Variants in ARHGAP10 observed in about 807,000 individuals in gnomAD.
The protein encoded by ARHGAP10 is Rho GTPase activating protein 10, also known as rho GTPase-activating protein 10.
A neutral mutation model predicts 108.6 loss-of-function variants in ARHGAP10; 87 were observed. That is an observed-to-expected ratio of 0.80 (90% CI 0.67 to 0.96). The LOEUF is 0.96. Among genes scored for constraint, ARHGAP10 ranks in the 40% least tolerant of loss-of-function variants. The pLI is 0.00. For missense variants in ARHGAP10, 939 were observed against 954.5 expected (o/e 0.98, Z 0.21); for synonymous variants, 347 against 341.1 (o/e 1.02, Z -0.19).
At chr4:147,937,091 A>C (rs1737982517) in intron 13 of ARHGAP10, among the ~76,000 whole-genome samples, 1 of 152,172 alleles carries the variant, frequency 6.6e-6, no homozygotes, top group South Asian at 2.1e-4. Flanking sequence ...ATCGGTGGAA[A>C]AATTGTCTTC....
At chr4:147,909,448 A>C (rs935744608) in intron 11 of ARHGAP10, among the ~76,000 whole-genome samples, 3 of 152,200 alleles carry the variant, frequency 2.0e-5, no homozygotes, top group African/African-American at 7.2e-5. Context: ...GAGATGGCCT[A>C]TCCAGGGGCT....
intron 14 of ARHGAP10, among the ~76,000 whole-genome samples, chr4:147,944,816 T>C (rs1738308814): frequency 6.6e-6 from 1 of 152,148 alleles, no homozygotes. Flanking sequence ...AAATTGATAT[T>C]GATGGCTCAA....
chr4:147,910,122 T>C (rs1736673821), intron 12 of ARHGAP10, among the ~76,000 whole-genome samples: 1 of 151,870 alleles, frequency 6.6e-6, no homozygotes, highest in Admixed American at 6.6e-5. Context: ...ATCCTCCCAC[T>C]TCAGTCTCCT....
At chr4:147,741,526 G>A (rs1194771482) in intron 1 of ARHGAP10, among the ~76,000 whole-genome samples, 1 of 152,096 alleles carries the variant, frequency 6.6e-6, no homozygotes, top group African/African-American at 2.4e-5. Context: ...CAAGCTAGTT[G>A]GGGCAGATGA....
intron 10 of ARHGAP10, among the ~76,000 whole-genome samples, chr4:147,896,380 G>T (rs1735994175): frequency 6.6e-6 from 1 of 152,006 alleles, no homozygotes; most frequent in African/African-American, 2.4e-5. Flanking sequence ...TTATTTAGAG[G>T]ATATAATGAT....
intron 1 of ARHGAP10, among the ~76,000 whole-genome samples, chr4:147,753,780 G>A (rs185800526): frequency 5.3e-5 from 8 of 152,262 alleles, no homozygotes; most frequent in Admixed American, 4.6e-4. Context: ...TGATGCTCAC[G>A]TATTCATGAA....
intron 10 of ARHGAP10, among the ~76,000 whole-genome samples, chr4:147,897,070 C>T (rs982653092): frequency 6.6e-6 from 1 of 152,034 alleles, no homozygotes; most frequent in African/African-American, 2.4e-5. Flanking sequence ...CTACCTCTAA[C>T]AGTAATATAG....
intron 1 of ARHGAP10, among the ~76,000 whole-genome samples, chr4:147,769,867 G>C (rs565268747): frequency 6.6e-6 from 1 of 152,324 alleles, no homozygotes; most frequent in South Asian, 2.1e-4. Context: ...AAAGGGAAAA[G>C]AGAGGAGCCT....
In ARHGAP10 at chr4:147,868,236, T is replaced by A. The variant is rs74288686; in HGVS notation, c.702+1420T>A. 1.8e-4 allele frequency among the ~76,000 whole-genome samples: 26 copies of A among 145,782 alleles called. No homozygotes were observed. In the East Asian group the frequency reaches 5.5e-3, roughly 31 times the overall value. ...AATATTGAGTCTAATGTTGTTGAGTTTTTTTTGTTTTTTTTTTTGAGACAG... is the reference window on the plus strand; with the variant it reads ...AATATTGAGTCTAATGTTGTTGAGTATTTTTTGTTTTTTTTTTTGAGACAG... On this transcript the variant is annotated intron_variant, in intron 7 of 22. Transcript: ENST00000336498.
At chr4:147,793,049 A>G (rs868101101) in intron 1 of ARHGAP10, among the ~76,000 whole-genome samples, 2 of 152,074 alleles carry the variant, frequency 1.3e-5, no homozygotes, top group Non-Finnish European at 1.5e-5. Context: ...GAGGCAGGAG[A>G]ATCACTTGAA....
chr4:147,974,118 A>T (rs1739509003), intron 18 of ARHGAP10, among the ~76,000 whole-genome samples: 1 of 152,084 alleles, frequency 6.6e-6, no homozygotes, highest in Non-Finnish European at 1.5e-5. Flanking sequence ...CCTCCAAAGT[A>T]TTCTCCATAG....
chr4:147,766,646 C>CCACCCACACA (rs1020731032), intron 1 of ARHGAP10, among the ~76,000 whole-genome samples: 5 of 135,798 alleles, frequency 3.7e-5, no homozygotes, highest in Admixed American at 7.4e-5. Flanking sequence ...ATATACACAC[C>CCACCCACACA]CACCCACACA....
At chr4:147,738,328 G>A (rs1385788626) in intron 1 of ARHGAP10, among the ~76,000 whole-genome samples, 1 of 152,096 alleles carries the variant, frequency 6.6e-6, no homozygotes, top group East Asian at 1.9e-4. Flanking sequence ...GAGGCGGGCG[G>A]ATCACGAGGT....
intron 18 of ARHGAP10, among the ~76,000 whole-genome samples, chr4:148,000,322 A>T (rs1044658570): frequency 5.3e-5 from 8 of 152,126 alleles, no homozygotes; most frequent in African/African-American, 1.7e-4. Flanking sequence ...AATCCAGTCT[A>T]TCATTGATGG....
intron 10 of ARHGAP10, among the ~76,000 whole-genome samples, chr4:147,887,062 T>C (rs1164823995): frequency 1.3e-5 from 2 of 152,180 alleles, no homozygotes; most frequent in African/African-American, 4.8e-5. Flanking sequence ...CGGCCCATGC[T>C]ATGTTTCCTT....
intron 13 of ARHGAP10, among the ~76,000 whole-genome samples, chr4:147,927,002 G>A (rs1315868737): frequency 6.6e-6 from 1 of 152,134 alleles, no homozygotes; most frequent in Non-Finnish European, 1.5e-5. Flanking sequence ...GTGAAGAAAC[G>A]TGATTTGATT....
At chr4:147,809,060 G>A (rs1273537792) in intron 1 of ARHGAP10, 5 of 152,650 alleles carry the variant, frequency 3.3e-5, no homozygotes, top group Non-Finnish European at 7.3e-5. Flanking sequence ...TTTGGCATCA[G>A]TATGGTGACC....
At chr4:147,901,080 A>G (rs1579178239) in intron 10 of ARHGAP10, among the ~76,000 whole-genome samples, 1 of 152,146 alleles carries the variant, frequency 6.6e-6, no homozygotes, top group Admixed American at 6.5e-5. Flanking sequence ...GAATTTTTAT[A>G]TTTTGGTTTA....
intron 3 of ARHGAP10, among the ~76,000 whole-genome samples, chr4:147,832,341 A>T (rs1003595213): frequency 1.5e-4 from 22 of 147,762 alleles, no homozygotes; most frequent in African/African-American, 5.5e-4. Context: ...TGACCACTTA[A>T]TTTTTTTTTT....
Sources: allele counts gnomAD v4.1 joint callset (sites outside exome capture counted in the v4.1 genomes callset), GRCh38; gene constraint gnomAD v4.1.1; transcripts MANE v1.5; gene names NCBI Gene and HGNC (gene_info 2026-07-23, HGNC 2026-07-21).